FER: variants seen among roughly 807,000 people sequenced by gnomAD.
The protein encoded by FER is FER tyrosine kinase.
Under a neutral mutation model 111.0 loss-of-function variants are expected in FER, and 63 were observed. That is an observed-to-expected ratio of 0.57 (90% CI 0.46 to 0.70). The LOEUF is 0.70. Ranked by LOEUF, FER falls within the 30% of genes least tolerant of loss-of-function variation. FER has a pLI of 0.00. For missense variants in FER, 914 were observed against 954.0 expected (o/e 0.96, Z 0.55); for synonymous variants, 327 against 313.9 (o/e 1.04, Z -0.44).
intron 18 of FER, among the ~76,000 whole-genome samples, chr5:109,182,061 T>C (rs904289517): frequency 2.6e-5 from 4 of 152,228 alleles, no homozygotes; most frequent in African/African-American, 9.6e-5. Context: ...GGTTCATCCA[T>C]CTTGTATCAT....
At chr5:108,919,081 T>C (rs1467349464) in intron 10 of FER, among the ~76,000 whole-genome samples, 4 of 152,186 alleles carry the variant, frequency 2.6e-5, no homozygotes, top group African/African-American at 9.7e-5. Flanking sequence ...CCACAAGTTA[T>C]TGAAATCACT....
Position 108,822,447 on chromosome 5 carries a change from A to G in FER, c.208-10323A>G, listed in dbSNP as rs532820590. Among the ~76,000 whole-genome samples the G allele has an allele frequency of 3.3e-4, 50 of 152,334 alleles. 2 individuals carry two copies. In the South Asian group the frequency reaches 9.1e-3, roughly 28 times the overall value. On this transcript the variant is annotated intron_variant, in intron 3 of 19. Coordinates refer to ENST00000281092, the MANE Select transcript of FER (RefSeq NM_005246.4). ...ATCACCCTGGCTTCCGGTGAGAACT[A>G]TTGTGCTGTGTCATAACACAGGGAG...
At chr5:109,058,306 T>C (rs1404661827) in intron 16 of FER, among the ~76,000 whole-genome samples, 25 of 152,106 alleles carry the variant, frequency 1.6e-4, no homozygotes, top group Admixed American at 1.6e-3. Flanking sequence ...AGAAATAAGA[T>C]AGATATGCTG....
chr5:108,787,906 G>T (rs1372870300), intron 2 of FER, among the ~76,000 whole-genome samples: 1 of 152,220 alleles, frequency 6.6e-6, no homozygotes, highest in Non-Finnish European at 1.5e-5. Context: ...TCCTCCAGTT[G>T]TCTGCATACC....
At chr5:108,840,612 A>G (rs1761161379) in intron 5 of FER, among the ~76,000 whole-genome samples, 1 of 152,000 alleles carries the variant, frequency 6.6e-6, no homozygotes, top group Non-Finnish European at 1.5e-5. Flanking sequence ...CTACTGTTTA[A>G]CTTGTCCCTG....
chr5:108,752,886 A>T (rs1479024550), intron 1 of FER, among the ~76,000 whole-genome samples: 1 of 152,084 alleles, frequency 6.6e-6, no homozygotes, highest in East Asian at 1.9e-4. Flanking sequence ...AGTAGGTATT[A>T]AAAGACTGGA....
At chr5:108,994,303 G>A (rs1236864159) in intron 13 of FER, among the ~76,000 whole-genome samples, 2 of 152,144 alleles carry the variant, frequency 1.3e-5, no homozygotes, top group Non-Finnish European at 2.9e-5. Flanking sequence ...ATAAGGAAGG[G>A]GTCCAGTTCC....
chr5:109,158,181 C>T lies in FER; in HGVS notation c.2049-22566C>T, dbSNP rs1755614424. Among the ~76,000 whole-genome samples the T allele has an allele frequency of 2.0e-5, 3 of 151,960 alleles. No individual in the cohort carries two copies. The South Asian group carries it at 6.2e-4, about 32-fold the overall frequency. On this transcript the variant is annotated intron_variant, in intron 17 of 19. Coordinates refer to ENST00000281092, the MANE Select transcript of FER (RefSeq NM_005246.4). ...ATTGCTTGAGCCCAGGACTTAGAGACCAGCCTGGGCAACATGATGAAACCC... is the reference window on the plus strand; with the variant it reads ...ATTGCTTGAGCCCAGGACTTAGAGATCAGCCTGGGCAACATGATGAAACCC...
rs144502295 is a variant in FER, at chr5:109,148,238, G to A, written c.2049-32509G>A. ...CTAAAGCCTAAATGTATGCCATACA[G>A]TTACCTGCACTGAAACTGACAGTTT... On this transcript the variant is annotated intron_variant, in intron 17 of 19. Transcript: ENST00000281092. Among the ~76,000 whole-genome samples the A allele has an allele frequency of 3.4e-3, 519 of 152,198 alleles. 2 individuals are homozygous for A. Among genetic ancestry groups the A allele is most frequent in the Non-Finnish European group, 6.0e-3 (405 of 67,968 alleles).
chr5:108,869,212 C>T (rs1465551675), intron 6 of FER, among the ~76,000 whole-genome samples: 2 of 152,118 alleles, frequency 1.3e-5, no homozygotes, highest in Non-Finnish European at 2.9e-5. Context: ...CATTTGCTTA[C>T]TTGTTCCTTA....
intron 2 of FER, among the ~76,000 whole-genome samples, chr5:108,773,061 G>A (rs544603376): frequency 3.3e-5 from 5 of 152,166 alleles, no homozygotes; most frequent in South Asian, 2.1e-4. Context: ...CCTTCTTTCC[G>A]TGCTTTTGCG....
rs368000475 is a variant in FER at position 109,026,837 on chromosome 5, C to T, written c.1657-10585C>T. Among the ~76,000 whole-genome samples, 224 of 152,208 alleles carry T rather than the reference C, an allele frequency of 1.5e-3. 1 individual carries two copies. The highest frequency in any genetic ancestry group is 5.0e-3 in the African/African-American group (207 of 41,528). ...GGGATTACAGGCGCCCGCCACCATGCGTGGCTAATTTTTTTGTATTTTTAG... is the reference window on the plus strand; with the variant it reads ...GGGATTACAGGCGCCCGCCACCATGTGTGGCTAATTTTTTTGTATTTTTAG... On this transcript the variant is annotated intron_variant, in intron 13 of 19. Transcript: ENST00000281092.
At chr5:108,964,894 T>C (rs1241307927) in intron 13 of FER, among the ~76,000 whole-genome samples, 1 of 152,168 alleles carries the variant, frequency 6.6e-6, no homozygotes, top group Non-Finnish European at 1.5e-5. Flanking sequence ...AGCTGTGCTT[T>C]TGCAGTTAAT....
At chr5:109,130,280 T>A (rs1752218050) in intron 17 of FER, among the ~76,000 whole-genome samples, 1 of 152,080 alleles carries the variant, frequency 6.6e-6, no homozygotes, top group Non-Finnish European at 1.5e-5. Flanking sequence ...TTGATTTTTT[T>A]CTCACATTTT....
chr5:108,875,582 C>A (rs1211614609), intron 8 of FER, among the ~76,000 whole-genome samples: 1 of 151,888 alleles, frequency 6.6e-6, no homozygotes, highest in Non-Finnish European at 1.5e-5. Context: ...AAGTAAAGTC[C>A]ATACAATTTT....
intron 17 of FER, among the ~76,000 whole-genome samples, chr5:109,105,918 A>G (rs1748860045): frequency 1.3e-5 from 2 of 152,214 alleles, no homozygotes; most frequent in African/African-American, 2.4e-5. Context: ...ATTGAAGCTA[A>G]ATGAATGAAC....
At chr5:108,881,859 G>A (rs1442026003) in intron 8 of FER, among the ~76,000 whole-genome samples, 4 of 152,002 alleles carry the variant, frequency 2.6e-5, no homozygotes, top group Non-Finnish European at 5.9e-5. Context: ...TCCATCTCCA[G>A]ATACCATTAT....
chr5:109,075,813 A>G (rs1776277002), intron 16 of FER, among the ~76,000 whole-genome samples: 2 of 152,192 alleles, frequency 1.3e-5, no homozygotes. Flanking sequence ...AGAGCTTGCA[A>G]TAAATATATT....
chr5:108,790,094 G>A (rs928770565), intron 2 of FER, among the ~76,000 whole-genome samples: 10 of 152,108 alleles, frequency 6.6e-5, no homozygotes, highest in African/African-American at 2.4e-4. Context: ...GGAAGGCCGA[G>A]GTGGGAGCAT....
Sources: allele counts gnomAD v4.1 joint callset (sites outside exome capture counted in the v4.1 genomes callset), GRCh38; gene constraint gnomAD v4.1.1; transcripts MANE v1.5; gene names NCBI Gene and HGNC (gene_info 2026-07-23, HGNC 2026-07-21).